The following NLRP9 variants were observed in gnomAD, a reference collection of about 807,000 sequenced individuals.
NLRP9 encodes the protein NLR family pyrin domain containing 9.
NLRP9 carries 88 observed loss-of-function variants against 83.1 expected under a neutral mutation model. That is an observed-to-expected ratio of 1.06 (90% CI 0.89 to 1.26). The LOEUF is 1.26. Among genes scored for constraint, NLRP9 ranks in the 50% most tolerant of loss-of-function variants. The pLI, the probability that NLRP9 is intolerant of heterozygous loss-of-function variation, is 0.00. For missense variants in NLRP9, 1,308 were observed against 1,179.3 expected (o/e 1.11, Z -1.60); for synonymous variants, 521 against 447.6 (o/e 1.16, Z -2.07).
intron 2 of NLRP9, among the ~76,000 whole-genome samples, 182 bp from the exon 3 acceptor site, chr19:55,730,174 C>A (rs1988531700): frequency 6.6e-6 from 1 of 152,184 alleles, no homozygotes; most frequent in East Asian, 1.9e-4. Flanking sequence ...TAGGCCCTGG[C>A]CAGGTAGAGT....
Position 55,732,362 on chromosome 19 carries a change from T to C in NLRP9, c.1469A>G (p.Gln490Arg). 1 of 1,614,222 alleles carries C rather than the reference T, an allele frequency of 6.2e-7. No homozygotes were observed. Among genetic ancestry groups the C allele is most frequent in the Middle Eastern group, 1.6e-4 (1 of 6,062 alleles). ...SVVQPQTLLT[Q>R]VGIFMFGIST... ...AATTCCAAACATGAATATCCCCACC[T>C]GGGTCAAGAGGGTTTGAGGCTGAAC... The change falls in exon 2 of 9, where the codon CAG becomes CGG. Residue 490 changes from glutamine (Q) to arginine (R), a missense_variant. By Grantham distance (43) the Gln-to-Arg change is conservative (BLOSUM62 1). Transcript: ENST00000332836.
At position 55,712,456 on chromosome 19, in the gene NLRP9, G is replaced by A. The variant is rs1987773842; in HGVS notation, c.2636C>T (p.Ala879Val). The A allele has an allele frequency of 1.2e-6, 2 of 1,612,682 alleles. No homozygotes were observed. The highest frequency in any genetic ancestry group is 1.7e-6 in the Non-Finnish European group (2 of 1,179,834). ...TAATTTACAGTGAGGATGCTGCAAAGCTGCACATAACTGTCTGACACCAGT... is the reference window on the plus strand; with the variant it reads ...TAATTTACAGTGAGGATGCTGCAAAACTGCACATAACTGTCTGACACCAGT... ...GDTGVRQLCA[A>V]LQHPHCKLEC... The change falls in exon 7 of 9, where the codon GCT becomes GTT. Residue 879 changes from alanine to valine, a missense_variant. By Grantham distance (64) the Ala-to-Val change is moderately conservative (BLOSUM62 0). Transcript: ENST00000332836.
chr19:55,729,040 TTTTC>T (rs979268696), intron 3 of NLRP9, among the ~76,000 whole-genome samples: 18 of 130,280 alleles, frequency 1.4e-4, no homozygotes, highest in Admixed American at 5.4e-4. Context: ...CTTATCTTAT[TTTTC>T]TTTTTCTTTT....
chr19:55,719,131 A>T (rs1476284440), intron 4 of NLRP9, among the ~76,000 whole-genome samples: 1 of 152,180 alleles, frequency 6.6e-6, no homozygotes, highest in Non-Finnish European at 1.5e-5. Flanking sequence ...CCGGCTATAC[A>T]TGGGGGTTCC....
intron 7 of NLRP9, 109 bp from the exon 8 acceptor site, chr19:55,712,079 T>A: frequency 1.8e-6 from 2 of 1,116,376 alleles, no homozygotes; most frequent in Non-Finnish European, 2.6e-6. Context: ...CTCTGCTGTC[T>A]AGACCCGGGC....
chr19:55,733,308 A>G lies in NLRP9; in HGVS notation c.523T>C (p.Trp175Arg), dbSNP rs781067028. 21 of 1,613,994 alleles carry G rather than the reference A, an allele frequency of 1.3e-5. No homozygotes were observed. The highest frequency in any genetic ancestry group is 6.6e-5 in the South Asian group (6 of 91,080). ...AACACAAATGTGAACCTGTCCTTCC[A>G]TAAGTTTCCCTCTGCCCAGTCCAAC... ...VMLDWAEGNL[W>R]KDRFTFVFFL... Residue 175 changes from tryptophan (W) to arginine (R), a missense_variant, in exon 2 of 9, where the codon TGG (tryptophan) becomes CGG (arginine). By Grantham distance (101) the Trp-to-Arg change is moderately radical (BLOSUM62 -3). Transcript: ENST00000332836.
intron 4 of NLRP9, 104 bp from the exon 5 acceptor site, chr19:55,717,002 C>A: frequency 2.4e-6 from 2 of 820,532 alleles, no homozygotes; most frequent in Non-Finnish European, 4.0e-6. Flanking sequence ...TTGCACCTGC[C>A]GATCCATTAT....
At chr19:55,721,947 G>C (rs1188973281) in intron 4 of NLRP9, among the ~76,000 whole-genome samples, 3 of 152,140 alleles carry the variant, frequency 2.0e-5, no homozygotes, top group Non-Finnish European at 4.4e-5. Context: ...TCTTTCTTTT[G>C]TAAATTGCCC....
intron 3 of NLRP9, among the ~76,000 whole-genome samples, chr19:55,729,313 G>T (rs1396231576): frequency 6.6e-6 from 1 of 151,006 alleles, no homozygotes; most frequent in African/African-American, 2.4e-5. Context: ...GTATACATGT[G>T]CCATGTTGGT....
At chr19:55,714,765 G>A (rs922271323) in intron 6 of NLRP9, among the ~76,000 whole-genome samples, 10 of 152,232 alleles carry the variant, frequency 6.6e-5, no homozygotes, top group South Asian at 2.1e-4. Context: ...CGAGGGCCAC[G>A]TTCTGCTTTG....
At position 55,724,046 on chromosome 19, in the gene NLRP9, G is replaced by A. The variant is rs769883683; in HGVS notation, c.2093C>T (p.Ser698Phe). ...KLLSLYGTSLSQSDIRHLCET... is the reference protein window; with the variant it reads ...KLLSLYGTSLFQSDIRHLCET... ...ACACAGGTGTCTGATGTCAGACTGG[G>A]AGAGGCTAGTGCCGTACAGGCTCAG... Residue 698 changes from serine (S) to phenylalanine (F), a missense_variant, in exon 4 of 9, where the codon TCC becomes TTC. Transcript: ENST00000332836. The A allele has an allele frequency of 5.0e-6, 8 of 1,613,824 alleles. No homozygotes were observed. In the Admixed American group the frequency reaches 1.0e-4, roughly 20 times the overall value.
intron 3 of NLRP9, among the ~76,000 whole-genome samples, chr19:55,726,619 CTT>C (rs1988411342): frequency 6.6e-6 from 1 of 152,154 alleles, no homozygotes; most frequent in Non-Finnish European, 1.5e-5. Context: ...ACTATTATCA[CTT>C]TTTCTCAAGT....
At chr19:55,720,745 T>C (rs981811469) in intron 4 of NLRP9, among the ~76,000 whole-genome samples, 3 of 152,176 alleles carry the variant, frequency 2.0e-5, no homozygotes, top group South Asian at 2.1e-4. Context: ...CCAAACCACA[T>C]AGAAGATATT....
intron 1 of NLRP9, among the ~76,000 whole-genome samples, chr19:55,735,471 G>A (rs905706431): frequency 1.3e-5 from 2 of 151,910 alleles, no homozygotes; most frequent in African/African-American, 4.8e-5. Context: ...AAGGAAATAA[G>A]GCCATTCCAA....
Position 55,712,588 on chromosome 19 carries a change from A to T in NLRP9, c.2504T>A (p.Leu835Ter), listed in dbSNP as rs1987781849. 6.2e-7 allele frequency: 1 copy of T among 1,611,804 alleles called. No individual in the cohort carries two copies. The highest frequency in any genetic ancestry group is 1.3e-5 in the African/African-American group (1 of 74,688). Residue 835 changes from leucine to a stop codon, truncating the protein, a stop_gained and splice_region_variant, in exon 7 of 9, where the codon TTG becomes TAG. Transcript: ENST00000332836. LOFTEE classifies it high-confidence loss of function. ...ATCGGAAGTAAGGAAACAGCCCATC[A>T]ACCTGGGGAGGTGGAAGACACACAA... is the stretch of plus-strand genomic sequence containing the variant. ...HPGCSIRELW[L>*]MGCFLTSDSC...
intron 6 of NLRP9, among the ~76,000 whole-genome samples, chr19:55,714,329 A>G (rs1987924027): frequency 1.3e-5 from 2 of 151,992 alleles, no homozygotes; most frequent in South Asian, 4.2e-4. Flanking sequence ...AGTCACCTGC[A>G]TGCATTGATC....
chr19:55,711,979 G>C lies in NLRP9; in HGVS notation c.2673-9C>G. 6.2e-7 allele frequency: 1 copy of C among 1,611,138 alleles called. No individual in the cohort carries two copies. On this transcript the variant is annotated splice_polypyrimidine_tract_variant and intron_variant, in intron 7 of 8. Transcript: ENST00000332836. Reference sequence around the variant, plus strand: ...TCGGACACGTTTGCAGCCTGCAAAAGGGAAACACACCAGAGAATCCACTCT... The same window carrying C: ...TCGGACACGTTTGCAGCCTGCAAAACGGAAACACACCAGAGAATCCACTCT...
chr19:55,733,131 T>G lies in NLRP9; in HGVS notation c.700A>C (p.Lys234Gln). 2 of 1,614,166 alleles carry G rather than the reference T, an allele frequency of 1.2e-6. No homozygotes were observed. Among genetic ancestry groups the G allele is most frequent in the Non-Finnish European group, 1.7e-6 (2 of 1,180,020 alleles). The change falls in exon 2 of 9, where the codon AAG becomes CAG. Residue 234 changes from lysine to glutamine, a missense_variant. Transcript: ENST00000332836. The part of the protein sequence containing the change: ...LFIMDGFEQL[K>Q]FNLQLKADLS... ...TCAGCCTTAAGTTGTAAGTTAAACT[T>G]CAGTTGCTCAAAGCCATCCATGATG...
At chr19:55,738,054 G>A (rs1189530497) in intron 1 of NLRP9, 41 bp downstream of exon 1, 3 of 1,597,946 alleles carry the variant, frequency 1.9e-6, no homozygotes, top group Admixed American at 3.3e-5. Context: ...CTTGTTCCCA[G>A]GCTTCCCCCA....
Sources: gnomAD v4.1 joint callset for allele counts (sites outside exome capture counted in the v4.1 genomes callset) on GRCh38, gnomAD v4.1.1 for gene constraint, MANE v1.5 for transcripts, NCBI Gene and HGNC (gene_info 2026-07-23, HGNC 2026-07-21) for gene names.